Variants in ZMYM1 observed in about 807,000 individuals in gnomAD.
ZMYM1 encodes zinc finger MYM-type containing 1, also known as zinc finger MYM-type protein 1.
ZMYM1 carries 39 observed loss-of-function variants against 60.0 expected under a neutral mutation model. The ratio of observed to expected loss-of-function variants is 0.65; its 90% CI spans 0.50 to 0.85. The LOEUF is 0.85. ZMYM1 is among the 40% of genes least tolerant of loss of function. The pLI, the probability that ZMYM1 is intolerant of heterozygous loss-of-function variation, is 0.00. For synonymous variants in ZMYM1, 413 were observed against 454.0 expected, an observed-to-expected ratio of 0.91 and a Z score of 1.15; for missense variants, 1,171 against 1,309.5, an observed-to-expected ratio of 0.89 and a Z score of 1.63.
chr1:35,100,101 G>A (rs1033686379), intron 4 of ZMYM1, among the ~76,000 whole-genome samples: 3 of 152,074 alleles, frequency 2.0e-5, no homozygotes, highest in Non-Finnish European at 2.9e-5. Flanking sequence ...ATGTTGGCCA[G>A]GCTGGTCTCG....
At chr1:35,107,781 C>T (rs1643942609) in intron 6 of ZMYM1, among the ~76,000 whole-genome samples, 1 of 152,094 alleles carries the variant, frequency 6.6e-6, no homozygotes, top group African/African-American at 2.4e-5. Context: ...AGTTAGCCTT[C>T]CCTTATGAAT....
At chr1:35,090,991 A>G (rs897769505) in intron 1 of ZMYM1, among the ~76,000 whole-genome samples, 26 of 152,224 alleles carry the variant, frequency 1.7e-4, no homozygotes, top group African/African-American at 5.5e-4. Flanking sequence ...ATCTAATTTC[A>G]TAATTAGATT....
intron 1 of ZMYM1, among the ~76,000 whole-genome samples, chr1:35,073,712 AG>A (rs1416158220): frequency 6.6e-6 from 1 of 152,064 alleles, no homozygotes; most frequent in Non-Finnish European, 1.5e-5. Context: ...GGAGGAAGGA[AG>A]GAAGGAAAAT....
At chr1:35,060,303 G>C (rs949788874) in intron 1 of ZMYM1, among the ~76,000 whole-genome samples, 4 of 151,850 alleles carry the variant, frequency 2.6e-5, no homozygotes, top group African/African-American at 9.7e-5. Flanking sequence ...TGGGATTATA[G>C]GCATGCACCA....
At chr1:35,110,185 A>G (rs1411446189) in intron 6 of ZMYM1, 109 bp from the exon 7 acceptor site, 1 of 833,246 alleles carries the variant, frequency 1.2e-6, no homozygotes, top group Admixed American at 3.6e-5. Context: ...AAACTGTCTT[A>G]ATTGTTATTC....
chr1:35,080,311 CTTCTTTTT>C (rs953322417), intron 1 of ZMYM1, among the ~76,000 whole-genome samples: 4 of 145,930 alleles, frequency 2.7e-5, no homozygotes, highest in African/African-American at 1.0e-4. Flanking sequence ...TATATTTGTG[CTTCTTTTT>C]TTTTTTTTTT....
intron 1 of ZMYM1, among the ~76,000 whole-genome samples, chr1:35,064,839 C>T (rs1557617290): frequency 1.3e-5 from 2 of 151,796 alleles, no homozygotes; most frequent in Admixed American, 6.6e-5. Flanking sequence ...AGGCGCCCGC[C>T]ACCACACCCG....
At chr1:35,088,448 ATATATATG>A (rs1386831422) in intron 1 of ZMYM1, among the ~76,000 whole-genome samples, 2,584 of 113,588 alleles carry the variant, frequency 0.023, 88 homozygotes, top group East Asian at 0.2. Flanking sequence ...ATATATATAT[ATATATATG>A]TGTGTGTGTG....
intron 1 of ZMYM1, among the ~76,000 whole-genome samples, chr1:35,070,967 C>T (rs182838824): frequency 2.2e-4 from 33 of 152,224 alleles, no homozygotes; most frequent in African/African-American, 7.9e-4. Flanking sequence ...TCACTGCAAC[C>T]TCCACCTCTC....
chr1:35,070,552 A>G (rs1348614239), intron 1 of ZMYM1, among the ~76,000 whole-genome samples: 1 of 152,176 alleles, frequency 6.6e-6, no homozygotes, highest in Admixed American at 6.5e-5. Flanking sequence ...GTCTTCAAAC[A>G]GAGACAATTT....
upstream of ZMYM1, among the ~76,000 whole-genome samples, chr1:35,077,613 T>C (rs903773356): frequency 3.9e-5 from 6 of 152,254 alleles, no homozygotes; most frequent in Middle Eastern, 3.4e-3. Context: ...ACCACCCAGA[T>C]AGATAAACAG....
At chr1:35,060,140 G>GTTGTTA (rs1321767798) in intron 1 of ZMYM1, among the ~76,000 whole-genome samples, 1 of 138,514 alleles carries the variant, frequency 7.2e-6, no homozygotes, top group Admixed American at 7.1e-5. Flanking sequence ...AATACTATTT[G>GTTGTTA]TTGTTATTAT....
Position 35,095,800 on chromosome 1 carries a change from A to AT in ZMYM1, c.97-9dup, listed in dbSNP as rs147012894. On this transcript the variant is annotated intron_variant, in intron 2 of 9. Transcript: ENST00000359858. Reference sequence around the variant, plus strand: ...ATTGTATTCACTATTTTTAATTATTATTTTTTTTTTCTTTTTAGGAGTATT... The same window carrying AT: ...ATTGTATTCACTATTTTTAATTATTATTTTTTTTTTTCTTTTTAGGAGTATT... 7,035 of 1,390,986 alleles carry AT rather than the reference A, an allele frequency of 5.1e-3. No individual in the cohort carries two copies. Among genetic ancestry groups the AT allele is most frequent in the Non-Finnish European group, 5.5e-3 (5,607 of 1,018,096 alleles). 86.2% of individuals were successfully genotyped at this position (1,390,986 alleles called of 1,614,324 possible).
intron 4 of ZMYM1, among the ~76,000 whole-genome samples, chr1:35,102,381 G>C (rs1262011401): frequency 6.6e-6 from 1 of 152,138 alleles, no homozygotes; most frequent in Non-Finnish European, 1.5e-5. Flanking sequence ...TTTGTAATAT[G>C]CTATTGTAGT....
chr1:35,087,396 G>A (rs12090962), intron 1 of ZMYM1, among the ~76,000 whole-genome samples: 9,812 of 150,896 alleles, frequency 0.065, 1,064 homozygotes, highest in African/African-American at 0.22. Context: ...AGGTCTATAT[G>A]TGTATCTGGA....
chr1:35,104,982 CACCTT>C (rs1459157156), intron 6 of ZMYM1, among the ~76,000 whole-genome samples: 4 of 152,274 alleles, frequency 2.6e-5, no homozygotes, highest in Admixed American at 2.6e-4. Context: ...TCGATTATCT[CACCTT>C]AAAGAAAAGG....
rs1209469501 is a variant in ZMYM1 at position 35,071,026 on chromosome 1, A to G, written c.-300-7968A>G. Among the ~76,000 whole-genome samples the G allele has an allele frequency of 5.9e-4, 89 of 152,070 alleles. 3 individuals carry two copies. Among genetic ancestry groups the G allele is most frequent in the Admixed American group, 5.8e-3 (88 of 15,234 alleles). On this transcript the variant is annotated intron_variant, in intron 1 of 10. Transcript: ENST00000417119. ...CAGCCTCCCAAGTAGCTGAGATTAC[A>G]GGTGTGCGCCACCACACCCAGCAAT...
rs1443852256 is a variant in ZMYM1 at position 35,115,045 on chromosome 1, T to A, written c.3215T>A (p.Ile1072Asn). The change falls in exon 10 of 10, where the codon ATT becomes AAT. Residue 1072 changes from isoleucine (I) to asparagine (N), a missense_variant. By Grantham distance (149) the Ile-to-Asn change is moderately radical. Coordinates refer to ENST00000359858, the MANE Select transcript of ZMYM1 (RefSeq NM_024772.5). ...NIPCLSKLLY[I>N]ALSWPITSAS... ...CCTTGTCTCTCAAAGCTATTATATA[T>A]TGCTTTGTCTTGGCCAATTACTTCA... is the stretch of plus-strand genomic sequence containing the variant. The A allele has an allele frequency of 1.2e-6, 2 of 1,614,086 alleles. No homozygotes were observed. The highest frequency in any genetic ancestry group is 1.7e-6 in the Non-Finnish European group (2 of 1,179,964).
At chr1:35,064,686 C>CTTT (rs34080777) in intron 1 of ZMYM1, among the ~76,000 whole-genome samples, 37 of 112,956 alleles carry the variant, frequency 3.3e-4, no homozygotes, top group Non-Finnish European at 4.2e-4. Flanking sequence ...CAATATATTT[C>CTTT]TTTTTTTTTT....
Sources: allele counts gnomAD v4.1 joint callset (sites outside exome capture counted in the v4.1 genomes callset), GRCh38; gene constraint gnomAD v4.1.1; transcripts MANE v1.5; gene names NCBI Gene and HGNC (gene_info 2026-07-23, HGNC 2026-07-21).